The following DAB2IP variants were observed in gnomAD, a reference collection of about 807,000 sequenced individuals.
DAB2IP encodes DAB2 interacting protein.
DAB2IP carries 28 observed loss-of-function variants against 107.2 expected under a neutral mutation model. That is an observed-to-expected ratio of 0.26 (90% CI 0.19 to 0.36). The LOEUF (loss-of-function observed/expected upper bound fraction) is 0.36, where lower values mean the gene tolerates loss of function less well. Ranked by LOEUF, DAB2IP falls within the 10% of genes least tolerant of loss-of-function variation. The pLI is 1.00. For missense variants in DAB2IP, 1,400 were observed against 1,644.7 expected (o/e 0.85, Z 2.57); for synonymous variants, 755 against 706.4 (o/e 1.07, Z -1.09).
At chr9:121,754,641 G>A (rs778065173) in intron 3 of DAB2IP, among the ~76,000 whole-genome samples, 2 of 152,204 alleles carry the variant, frequency 1.3e-5, no homozygotes, top group Admixed American at 6.5e-5. Context: ...TCCTTTCCAG[G>A]TCAGCCAGAG....
chr9:121,693,598 C>T (rs1053586382), intron 2 of DAB2IP, among the ~76,000 whole-genome samples: 5 of 152,182 alleles, frequency 3.3e-5, no homozygotes, highest in South Asian at 2.1e-4. Flanking sequence ...CGGGCCTTGG[C>T]GGAGGGAGGG....
In DAB2IP at chr9:121,635,366, C is replaced by T. The variant is rs1473397686; in HGVS notation, c.41-43312C>T. ...AGTTAATTCCATCCTTATTTTACCACCAGGAGCACCAAGTTCTAGAGTAAA... is the reference window on the plus strand; with the variant it reads ...AGTTAATTCCATCCTTATTTTACCATCAGGAGCACCAAGTTCTAGAGTAAA... On this transcript the variant is annotated intron_variant, in intron 1 of 16. Coordinates refer to the DAB2IP transcript ENST00000259371. The surrounding 1 kb of genome is among the most constrained non-coding windows in gnomAD (Gnocchi z 4.3). Among the ~76,000 whole-genome samples the T allele has an allele frequency of 6.6e-6, 1 of 152,234 alleles. No individual in the cohort carries two copies. Among genetic ancestry groups the T allele is most frequent in the Non-Finnish European group, 1.5e-5 (1 of 68,048 alleles).
intron 15 of DAB2IP, 106 bp downstream of exon 15, chr9:121,781,657 G>A: frequency 8.5e-7 from 1 of 1,175,916 alleles, no homozygotes; most frequent in Non-Finnish European, 1.2e-6. Flanking sequence ...AGACACTGAG[G>A]GGAATAAGAA....
intron 1 of DAB2IP, among the ~76,000 whole-genome samples, chr9:121,569,804 G>A (rs1228908843): frequency 6.6e-6 from 1 of 152,232 alleles, no homozygotes; most frequent in Admixed American, 6.5e-5. Context: ...CTGGGCGACA[G>A]AGAGCGAGAT....
At chr9:121,581,447 C>G (rs1455637970) in intron 1 of DAB2IP, among the ~76,000 whole-genome samples, 1 of 152,144 alleles carries the variant, frequency 6.6e-6, no homozygotes, top group East Asian at 1.9e-4. Flanking sequence ...TAGTCAGACT[C>G]TTAGGGAACA....
intron 1 of DAB2IP, among the ~76,000 whole-genome samples, chr9:121,664,904 A>G (rs1247919786): frequency 1.3e-5 from 2 of 152,232 alleles, no homozygotes; most frequent in East Asian, 3.8e-4. Flanking sequence ...GCTTTCCCAA[A>G]TTATAACCTC....
intron 2 of DAB2IP, among the ~76,000 whole-genome samples, chr9:121,679,259 G>A (rs1006050145): frequency 7.2e-5 from 11 of 151,942 alleles, no homozygotes; most frequent in Admixed American, 4.6e-4. Flanking sequence ...GCTTAGAACC[G>A]ACAAAACACA....
At chr9:121,654,338 G>T (rs1165165663) in intron 1 of DAB2IP, among the ~76,000 whole-genome samples, 2 of 152,150 alleles carry the variant, frequency 1.3e-5, no homozygotes, top group East Asian at 3.9e-4. Context: ...TTGATAAAGG[G>T]CCTTGAACTT....
At chr9:121,737,449 T>A (rs1439707023) in intron 3 of DAB2IP, 1 of 985,260 alleles carries the variant, frequency 1.0e-6, no homozygotes, top group Non-Finnish European at 1.2e-6. Context: ...GGGGAAGCCC[T>A]CCTAGGCTCA....
chr9:121,757,273 G>T (rs1190485240), intron 4 of DAB2IP, 107 bp downstream of exon 4: 1 of 1,439,954 alleles, frequency 6.9e-7, no homozygotes, highest in Non-Finnish European at 9.3e-7. Flanking sequence ...CTCAGCAGGG[G>T]CCAGGGTCTT....
intron 1 of DAB2IP, among the ~76,000 whole-genome samples, chr9:121,595,796 G>A (rs935666042): frequency 1.3e-5 from 2 of 152,106 alleles, no homozygotes; most frequent in African/African-American, 4.8e-5. Context: ...GGAATATATG[G>A]TATTCTGTTC....
chr9:121,737,702 C>T (rs1832028663), intron 3 of DAB2IP: 1 of 985,476 alleles, frequency 1.0e-6, no homozygotes, highest in Non-Finnish European at 1.2e-6. Flanking sequence ...GAGGCCTGCG[C>T]TCCCACCACA....
At position 121,699,371 on chromosome 9, in the gene DAB2IP, G is replaced by T; in HGVS notation, c.275G>T (p.Ser92Ile). 1 of 1,483,128 alleles carries T rather than the reference G, an allele frequency of 6.7e-7. No homozygotes were observed. Among genetic ancestry groups the T allele is most frequent in the South Asian group, 1.2e-5 (1 of 80,312 alleles). 91.9% of individuals were successfully genotyped at this position (1,483,128 alleles called of 1,614,324 possible). A position where few individuals can be genotyped will look rare whatever the true frequency, so the allele number is the denominator to read the frequency against. The change falls in exon 3 of 16, where the codon AGC (serine) becomes ATC (isoleucine). Residue 92 changes from serine (S) to isoleucine (I), a missense_variant. Coordinates refer to ENST00000408936, the Ensembl canonical transcript of DAB2IP. The surrounding 1 kb of genome is among the most constrained non-coding windows in gnomAD (Gnocchi z 6.2). ...AAGGGCTCCATCAAGCGCACCAAGA[G>T]CCAGCCCAAGCTGGACCGCAACCAC...
intron 14 of DAB2IP, among the ~76,000 whole-genome samples, chr9:121,779,275 G>GAAACA (rs1255239670): frequency 6.6e-6 from 1 of 151,954 alleles, no homozygotes; most frequent in African/African-American, 2.4e-5. Flanking sequence ...TTTTACTTCT[G>GAAACA]TTTTCTGAAA....
At position 121,772,936 on chromosome 9, in the gene DAB2IP, C is replaced by A; in HGVS notation, c.2408C>A (p.Ala803Glu). The change falls in exon 12 of 16, where the codon GCA (alanine) becomes GAA (glutamate). Residue 803 changes from alanine to glutamate, a missense_variant. Physicochemically the swap from Ala to Glu is moderately radical, Grantham distance 107 (BLOSUM62 -1). Transcript: ENST00000408936. The surrounding 1 kb of genome is among the most constrained non-coding windows in gnomAD (Gnocchi z 4.7). ...GCAGGGCTGGCCACGGTGCGGCGGG[C>A]AGGCCAGACACCAACCACACCAGGC... 1 of 1,560,248 alleles carries A rather than the reference C, an allele frequency of 6.4e-7. No individual in the cohort carries two copies. Among genetic ancestry groups the A allele is most frequent in the Non-Finnish European group, 8.6e-7 (1 of 1,157,238 alleles).
At chr9:121,605,284 G>T (rs1429991078) in intron 1 of DAB2IP, among the ~76,000 whole-genome samples, 1 of 152,100 alleles carries the variant, frequency 6.6e-6, no homozygotes, top group African/African-American at 2.4e-5. Context: ...GGCTCCCAAA[G>T]TGTTGATTAC....
At chr9:121,708,219 TC>T (rs1245760888) in intron 3 of DAB2IP, among the ~76,000 whole-genome samples, 1 of 152,168 alleles carries the variant, frequency 6.6e-6, no homozygotes, top group Non-Finnish European at 1.5e-5. Flanking sequence ...GCTTTTTGTT[TC>T]CCATTTCACA....
intron 2 of DAB2IP, among the ~76,000 whole-genome samples, chr9:121,679,853 C>CAG (rs10668803): frequency 0.19 from 28,559 of 150,070 alleles, 4,415 homozygotes; most frequent in African/African-American, 0.42. Flanking sequence ...TAGGCAAGGA[C>CAG]AGAGAGAGAG....
intron 1 of DAB2IP, among the ~76,000 whole-genome samples, chr9:121,653,831 AT>A (rs1832864241): frequency 6.6e-6 from 1 of 152,188 alleles, no homozygotes; most frequent in African/African-American, 2.4e-5. Context: ...CATACACAGG[AT>A]CACTGCTTGT....
Sources: allele counts gnomAD v4.1 joint callset (sites outside exome capture counted in the v4.1 genomes callset), GRCh38; gene constraint gnomAD v4.1.1; non-coding constraint Gnocchi (gnomAD v3.1); transcripts MANE v1.5; gene names NCBI Gene and HGNC (gene_info 2026-07-23, HGNC 2026-07-21).